The following SLC25A21 variants were observed in gnomAD, a reference collection of about 807,000 sequenced individuals.
SLC25A21 encodes the protein mitochondrial 2-oxodicarboxylate carrier.
Under a neutral mutation model 43.8 loss-of-function variants are expected in SLC25A21, and 47 were observed. The ratio of observed to expected loss-of-function variants is 1.07; its 90% confidence interval spans 0.85 to 1.37. SLC25A21 has a LOEUF of 1.37. Among genes scored for constraint, SLC25A21 ranks in the 40% most tolerant of loss-of-function variants. The pLI, the probability that SLC25A21 is intolerant of heterozygous loss-of-function variation, is 0.00. For missense variants in SLC25A21, 352 were observed against 350.2 expected (o/e 1.00, Z -0.04); for synonymous variants, 131 against 121.3 (o/e 1.08, Z -0.52).
At chr14:37,118,103 T>C (rs919531581) in intron 1 of SLC25A21, among the ~76,000 whole-genome samples, 3 of 152,150 alleles carry the variant, frequency 2.0e-5, no homozygotes, top group African/African-American at 7.2e-5. Flanking sequence ...ACCCGAATTA[T>C]ACTAACGTAC....
intron 1 of SLC25A21, among the ~76,000 whole-genome samples, chr14:37,017,068 C>G (rs1960873115): frequency 6.6e-6 from 1 of 152,086 alleles, no homozygotes; most frequent in Non-Finnish European, 1.5e-5. Context: ...TGTTTGTCCA[C>G]TGGAATAGTA....
chr14:37,116,164 C>A (rs982162635), intron 1 of SLC25A21, among the ~76,000 whole-genome samples: 1 of 152,032 alleles, frequency 6.6e-6, no homozygotes, highest in African/African-American at 2.4e-5. Context: ...AAGCACTAAG[C>A]GAATACATGT....
At chr14:37,094,550 T>C (rs1303222676) in intron 1 of SLC25A21, among the ~76,000 whole-genome samples, 2 of 152,116 alleles carry the variant, frequency 1.3e-5, no homozygotes, top group Non-Finnish European at 2.9e-5. Flanking sequence ...ATTTCTCCTC[T>C]AGGACAAATT....
chr14:36,820,465 T>A (rs1803862403), intron 2 of SLC25A21, among the ~76,000 whole-genome samples: 2 of 152,144 alleles, frequency 1.3e-5, no homozygotes, highest in Admixed American at 6.5e-5. Flanking sequence ...CTAGGCTGTA[T>A]AATAATTCCA....
intron 1 of SLC25A21, among the ~76,000 whole-genome samples, chr14:37,023,269 G>T (rs919472654): frequency 4.0e-5 from 6 of 151,886 alleles, no homozygotes; most frequent in Admixed American, 3.9e-4. Context: ...AGATTATTAG[G>T]CAGGGATTCC....
intron 2 of SLC25A21, among the ~76,000 whole-genome samples, chr14:36,858,651 C>T (rs973095445): frequency 6.6e-6 from 1 of 152,166 alleles, no homozygotes; most frequent in South Asian, 2.1e-4. Context: ...GGAATGCTTC[C>T]CTCTTTTCTC....
intron 1 of SLC25A21, among the ~76,000 whole-genome samples, chr14:37,146,786 G>T (rs1357642728): frequency 6.6e-6 from 1 of 152,078 alleles, no homozygotes; most frequent in African/African-American, 2.4e-5. Context: ...ATGCAATGCT[G>T]ATAAAATATA....
At chr14:36,928,725 T>C (rs1479026350) in intron 1 of SLC25A21, among the ~76,000 whole-genome samples, 1 of 152,176 alleles carries the variant, frequency 6.6e-6, no homozygotes, top group East Asian at 1.9e-4. Context: ...GACTCTCTAT[T>C]TGGTTATTCA....
chr14:37,041,042 T>G (rs1201961638), intron 1 of SLC25A21, among the ~76,000 whole-genome samples: 2 of 152,164 alleles, frequency 1.3e-5, no homozygotes, highest in East Asian at 3.8e-4. Flanking sequence ...CTTTTCCTCA[T>G]ATTTATAGGC....
At chr14:36,924,002 T>A (rs572342082) in intron 1 of SLC25A21, among the ~76,000 whole-genome samples, 1 of 151,992 alleles carries the variant, frequency 6.6e-6, no homozygotes, top group African/African-American at 2.4e-5. Context: ...GTTAGAATGG[T>A]GATCATTAAA....
At chr14:36,766,174 T>C (rs898844136) in intron 3 of SLC25A21, among the ~76,000 whole-genome samples, 1 of 152,188 alleles carries the variant, frequency 6.6e-6, no homozygotes, top group Non-Finnish European at 1.5e-5. Flanking sequence ...TTTTTCTTAT[T>C]GTGGTTGCAA....
At chr14:37,087,265 G>A (rs140083059) in intron 1 of SLC25A21, among the ~76,000 whole-genome samples, 144 of 152,212 alleles carry the variant, frequency 9.5e-4, no homozygotes, top group African/African-American at 3.3e-3. Flanking sequence ...CCAATTAGTC[G>A]TATTTTCCAT....
chr14:36,890,726 G>T (rs1033064392), intron 1 of SLC25A21, among the ~76,000 whole-genome samples: 1 of 152,124 alleles, frequency 6.6e-6, no homozygotes, highest in African/African-American at 2.4e-5. Context: ...GAGCAACCAC[G>T]TGGAGGAGTA....
Position 36,679,933 on chromosome 14 carries a change from T to A in SLC25A21, c.*725A>T, listed in dbSNP as rs1884215. The A allele has an allele frequency of 0.48, 412,580 of 864,592 alleles. 102,701 individuals carry two copies. The highest frequency in any genetic ancestry group is 0.61 in the Admixed American group (9,744 of 16,022). 53.6% of individuals were successfully genotyped at this position (864,592 alleles called of 1,614,324 possible). A position where few individuals can be genotyped will look rare whatever the true frequency, so the allele number is the denominator to read the frequency against. ...TGTGTTAGAAGAGATTTGGAATACC[T>A]TGATTTAAACATGCTTAAACAACAG... On this transcript the variant is annotated 3_prime_UTR_variant, in exon 10 of 10. Transcript: ENST00000331299.
chr14:36,968,131 C>A (rs1959661649), intron 1 of SLC25A21, among the ~76,000 whole-genome samples: 1 of 152,132 alleles, frequency 6.6e-6, no homozygotes, highest in African/African-American at 2.4e-5. Flanking sequence ...ATACCAGAAG[C>A]TAAGAGAGGG....
At position 36,679,828 on chromosome 14, in the gene SLC25A21, A is replaced by G; in HGVS notation, c.*830T>C. 1.0e-6 allele frequency: 1 copy of G among 985,076 alleles called. No individual in the cohort carries two copies. The highest frequency in any genetic ancestry group is 1.2e-6 in the Non-Finnish European group (1 of 829,592). 61.0% of individuals were successfully genotyped at this position (985,076 alleles called of 1,614,324 possible). On this transcript the variant is annotated 3_prime_UTR_variant, in exon 10 of 10. Transcript: ENST00000331299. ...AGGTGTTTCCAATTTGTGATTTAAC[A>G]TGACAATATCTCATCAACAAAACTT...
chr14:36,716,152 G>A (rs1284548202), intron 6 of SLC25A21, among the ~76,000 whole-genome samples: 1 of 151,972 alleles, frequency 6.6e-6, no homozygotes, highest in Admixed American at 6.6e-5. Flanking sequence ...GCCAAACACT[G>A]AAAGAAAAAT....
chr14:36,850,917 C>A (rs538491130), intron 2 of SLC25A21, among the ~76,000 whole-genome samples: 13 of 152,290 alleles, frequency 8.5e-5, no homozygotes, highest in Admixed American at 3.9e-4. Flanking sequence ...CGGCTGGCAA[C>A]AGAGAGTCCT....
chr14:37,022,812 G>A (rs1020241916), intron 1 of SLC25A21, among the ~76,000 whole-genome samples: 1 of 152,044 alleles, frequency 6.6e-6, no homozygotes. Context: ...GTAAAGGAGT[G>A]AGAGAATGAA....
Sources: gnomAD v4.1 joint callset for allele counts (sites outside exome capture counted in the v4.1 genomes callset) on GRCh38, gnomAD v4.1.1 for gene constraint, MANE v1.5 for transcripts, NCBI Gene and HGNC (gene_info 2026-07-23, HGNC 2026-07-21) for gene names.